The following AGFG1 variants were observed in gnomAD, a reference collection of about 807,000 sequenced individuals.
AGFG1 encodes ArfGAP with FG repeats 1, also known as arf-GAP domain and FG repeat-containing protein 1.
A neutral mutation model predicts 60.6 loss-of-function variants in AGFG1; 10 were observed. The ratio of observed to expected loss-of-function variants is 0.16; its 90% CI spans 0.10 to 0.28. AGFG1 has a LOEUF of 0.28. Ranked by LOEUF, AGFG1 falls within the 10% of genes least tolerant of loss-of-function variation. AGFG1 has a pLI of 1.00. For synonymous variants in AGFG1, 247 were observed against 242.9 expected, an observed-to-expected ratio of 1.02 and a Z score of -0.16; for missense variants, 537 against 676.5, an observed-to-expected ratio of 0.79 and a Z score of 2.29.
intron 2 of AGFG1, among the ~76,000 whole-genome samples, chr2:227,504,582 G>A (rs892733088): frequency 6.6e-6 from 1 of 152,226 alleles, no homozygotes; most frequent in African/African-American, 2.4e-5. Flanking sequence ...ATTTTAAAGT[G>A]ATCATTTTCC....
chr2:227,538,870 T>C lies in AGFG1; in HGVS notation c.1378+1877T>C, dbSNP rs551395815. On this transcript the variant is annotated intron_variant, in intron 10 of 12. Transcript: ENST00000310078. ...AGATGATATAAGATAATTCTAGTAT[T>C]AAGTAACAAAAATTTATTAGAAAGG... 6.6e-5 allele frequency among the ~76,000 whole-genome samples: 10 copies of C among 152,306 alleles called. No individual in the cohort carries two copies. In the East Asian group the frequency reaches 1.9e-3, roughly 29 times the overall value.
At chr2:227,476,313 C>T (rs1394468054) in intron 1 of AGFG1, among the ~76,000 whole-genome samples, 1 of 152,162 alleles carries the variant, frequency 6.6e-6, no homozygotes, top group African/African-American at 2.4e-5. Flanking sequence ...ATATAGCCAA[C>T]AGTAAAAATG....
chr2:227,485,652 G>A (rs935820833), intron 1 of AGFG1, among the ~76,000 whole-genome samples: 44 of 142,754 alleles, frequency 3.1e-4, no homozygotes, highest in African/African-American at 1.1e-3. Context: ...TATCACTTCA[G>A]TGTTACCTTC....
At chr2:227,486,350 T>C (rs1690638218) in intron 1 of AGFG1, among the ~76,000 whole-genome samples, 1 of 152,176 alleles carries the variant, frequency 6.6e-6, no homozygotes, top group Admixed American at 6.5e-5. Context: ...ATTTATGGAC[T>C]ATCATATTGT....
chr2:227,536,566 A>G (rs1692319546), intron 8 of AGFG1, 59 bp from the exon 9 acceptor site: 3 of 1,457,252 alleles, frequency 2.1e-6, no homozygotes, highest in African/African-American at 1.4e-5. Flanking sequence ...TACCCTGTAA[A>G]TCGTTACTTT....
Position 227,533,294 on chromosome 2 carries a change from T to G in AGFG1, c.815-255T>G, listed in dbSNP as rs538385628. ...CAGGTAGTGTGGAGATACCCCTCCA[T>G]GAATTACATTCTTCATTCCAGGGTA... On this transcript the variant is annotated intron_variant, in intron 6 of 12. Coordinates refer to ENST00000310078, the MANE Select transcript of AGFG1 (RefSeq NM_004504.5). Among the ~76,000 whole-genome samples, 1,102 of 152,188 alleles carry G rather than the reference T, an allele frequency of 7.2e-3. 19 individuals carry two copies. The highest frequency in any genetic ancestry group is 0.026 in the African/African-American group (1,065 of 41,520).
intron 10 of AGFG1, among the ~76,000 whole-genome samples, chr2:227,544,863 C>T (rs139234158): frequency 0.054 from 8,260 of 152,104 alleles, 294 homozygotes; most frequent in African/African-American, 0.09. Context: ...GTGGGTAGCC[C>T]GACCTTTCTC....
intron 2 of AGFG1, among the ~76,000 whole-genome samples, chr2:227,495,932 G>C (rs1029967312): frequency 2.0e-5 from 3 of 150,876 alleles, no homozygotes; most frequent in African/African-American, 4.9e-5. Flanking sequence ...GCGAAACTCT[G>C]TCTCTACTAA....
chr2:227,532,165 G>A lies in AGFG1; in HGVS notation c.814+955G>A. The A allele has an allele frequency of 6.5e-7, 1 of 1,548,694 alleles. No homozygotes were observed. Among genetic ancestry groups the A allele is most frequent in the East Asian group, 2.5e-5 (1 of 40,650 alleles). ...TTTAGAATGCTTTCATCTAGCTGCA[G>A]TTTTGGTGAATTTACTTCAGCTTTT... On this transcript the variant is annotated intron_variant, in intron 6 of 12. Transcript: ENST00000310078.
intron 2 of AGFG1, among the ~76,000 whole-genome samples, chr2:227,504,608 A>G (rs1691258158): frequency 6.6e-6 from 1 of 152,236 alleles, no homozygotes; most frequent in South Asian, 2.1e-4. Flanking sequence ...AGCTCTACTT[A>G]ACTGTGCTAT....
chr2:227,478,009 C>A (rs1690335855), intron 1 of AGFG1, among the ~76,000 whole-genome samples: 2 of 151,918 alleles, frequency 1.3e-5, no homozygotes, highest in Admixed American at 1.3e-4. Context: ...AATGTGTGTT[C>A]TTATTTTTGA....
intron 2 of AGFG1, among the ~76,000 whole-genome samples, chr2:227,501,501 A>G (rs1691154693): frequency 6.6e-6 from 1 of 152,190 alleles, no homozygotes; most frequent in Non-Finnish European, 1.5e-5. Context: ...ATTGCTTCCA[A>G]TTTGGTAATC....
chr2:227,540,355 C>T (rs1158784994), intron 10 of AGFG1, among the ~76,000 whole-genome samples: 4 of 152,128 alleles, frequency 2.6e-5, no homozygotes, highest in Non-Finnish European at 5.9e-5. Flanking sequence ...TCTACCCGAC[C>T]CCAAGACAGG....
At chr2:227,503,064 C>G (rs569030945) in intron 2 of AGFG1, among the ~76,000 whole-genome samples, 7 of 151,986 alleles carry the variant, frequency 4.6e-5, no homozygotes, top group Admixed American at 1.3e-4. Flanking sequence ...GAGACCCTGT[C>G]TCTACAAAAA....
At chr2:227,511,958 A>G (rs1691508288) in intron 2 of AGFG1, among the ~76,000 whole-genome samples, 1 of 152,344 alleles carries the variant, frequency 6.6e-6, no homozygotes. Flanking sequence ...AGGGCTAATC[A>G]GGGGTCACAT....
chr2:227,530,069 A>G (rs1210055322), intron 5 of AGFG1, among the ~76,000 whole-genome samples: 3 of 152,066 alleles, frequency 2.0e-5, no homozygotes, highest in African/African-American at 7.2e-5. Flanking sequence ...TCTCATGAAT[A>G]TGTGTTTTTC....
chr2:227,502,265 T>C (rs2106183791), intron 2 of AGFG1, among the ~76,000 whole-genome samples: 1 of 152,372 alleles, frequency 6.6e-6, no homozygotes, highest in Non-Finnish European at 1.5e-5. Flanking sequence ...TTGTTCATTC[T>C]TCTTTGTCAG....
chr2:227,524,695 G>T, intron 4 of AGFG1, 67 bp from the exon 5 acceptor site: 1 of 1,538,754 alleles, frequency 6.5e-7, no homozygotes, highest in South Asian at 1.1e-5. Flanking sequence ...TAAGTTTGCA[G>T]ATAGTTTTGT....
At chr2:227,529,802 A>T (rs1457805828) in intron 5 of AGFG1, among the ~76,000 whole-genome samples, 1 of 151,994 alleles carries the variant, frequency 6.6e-6, no homozygotes, top group African/African-American at 2.4e-5. Context: ...GTGTTTAAAG[A>T]ACTATGGTGC....
Sources: allele counts gnomAD v4.1 joint callset (sites outside exome capture counted in the v4.1 genomes callset), GRCh38; gene constraint gnomAD v4.1.1; transcripts MANE v1.5; gene names NCBI Gene and HGNC (gene_info 2026-07-23, HGNC 2026-07-21).